Variants in GULP1 observed in about 807,000 individuals in gnomAD.
The protein encoded by GULP1 is PTB domain-containing engulfment adapter protein 1.
A neutral mutation model predicts 40.9 loss-of-function variants in GULP1; 19 were observed. That is an observed-to-expected ratio of 0.46 (90% CI 0.32 to 0.68). The LOEUF is 0.68. GULP1 is among the 30% of genes least tolerant of loss of function. The probability of loss-of-function intolerance (pLI) is 0.03; values close to 1 mark genes in which losing one functional copy is unlikely to be tolerated. For missense variants in GULP1, 312 were observed against 362.2 expected (o/e 0.86, Z 1.12); for synonymous variants, 119 against 117.6 (o/e 1.01, Z -0.08).
At chr2:188,446,854 T>TGTA (rs56370817) in intron 2 of GULP1, among the ~76,000 whole-genome samples, 139,320 of 152,042 alleles carry the variant, frequency 0.92, 63,956 homozygotes, top group East Asian at 1. Flanking sequence ...TCACTTTCAT[T>TGTA]GAGTGATATT....
At chr2:188,397,817 G>A (rs1178676052) in intron 2 of GULP1, among the ~76,000 whole-genome samples, 13 of 152,208 alleles carry the variant, frequency 8.5e-5, no homozygotes, top group Admixed American at 8.5e-4. Context: ...TATGGAAGCT[G>A]TCTTCCTCAT....
At chr2:188,590,267 C>T (rs1703265637) in intron 11 of GULP1, 1 of 152,182 alleles carries the variant, frequency 6.6e-6, no homozygotes, top group Non-Finnish European at 1.5e-5. Flanking sequence ...AGCCACCATA[C>T]TTGGCCATGA....
intron 7 of GULP1, among the ~76,000 whole-genome samples, chr2:188,542,569 G>C (rs1690810930): frequency 6.6e-6 from 1 of 151,882 alleles, no homozygotes. Flanking sequence ...AATGTGCTAA[G>C]CTACTAGATA....
intron 1 of GULP1, among the ~76,000 whole-genome samples, chr2:188,350,292 A>G (rs1210174355): frequency 6.6e-6 from 1 of 152,102 alleles, no homozygotes; most frequent in East Asian, 1.9e-4. Context: ...GTTGGAAAAT[A>G]TTGCCATTTT....
chr2:188,510,383 A>G (rs2064382188), intron 4 of GULP1, among the ~76,000 whole-genome samples: 1 of 152,112 alleles, frequency 6.6e-6, no homozygotes. Flanking sequence ...ATTAGTAACC[A>G]TATTGGCGAG....
chr2:188,572,448 G>A (rs1419867977), intron 9 of GULP1, among the ~76,000 whole-genome samples: 1 of 152,096 alleles, frequency 6.6e-6, no homozygotes, highest in African/African-American at 2.4e-5. Flanking sequence ...CTAAGAGGTT[G>A]AATTTAAAAA....
chr2:188,438,103 A>G (rs1292565231), intron 2 of GULP1, among the ~76,000 whole-genome samples: 1 of 152,140 alleles, frequency 6.6e-6, no homozygotes, highest in Admixed American at 6.6e-5. Flanking sequence ...AAATAAATAC[A>G]TAAAAAATAC....
chr2:188,346,832 G>A (rs532772069), intron 1 of GULP1, among the ~76,000 whole-genome samples: 42 of 151,724 alleles, frequency 2.8e-4, no homozygotes, highest in African/African-American at 9.9e-4. Flanking sequence ...TTAGCTGGGC[G>A]TGGTGGCAGG....
At chr2:188,529,730 A>G (rs1687082748) in intron 6 of GULP1, among the ~76,000 whole-genome samples, 1 of 152,150 alleles carries the variant, frequency 6.6e-6, no homozygotes, top group South Asian at 2.1e-4. Context: ...TCCTTGGCTT[A>G]CAGAGGGCTG....
chr2:188,445,960 T>G (rs2058348473), intron 2 of GULP1, among the ~76,000 whole-genome samples: 1 of 152,188 alleles, frequency 6.6e-6, no homozygotes, highest in African/African-American at 2.4e-5. Flanking sequence ...TAAACTCGTT[T>G]ATGATCACAG....
intron 4 of GULP1, among the ~76,000 whole-genome samples, chr2:188,493,747 A>G (rs1285356459): frequency 6.6e-6 from 1 of 152,094 alleles, no homozygotes; most frequent in Non-Finnish European, 1.5e-5. Flanking sequence ...GGCTTCAGCA[A>G]GAAAGGGAAT....
chr2:188,377,182 AAAG>A (rs2048406208), intron 1 of GULP1, among the ~76,000 whole-genome samples: 1 of 152,178 alleles, frequency 6.6e-6, no homozygotes, highest in African/African-American at 2.4e-5. Context: ...AAAAAAAAAA[AAAG>A]AAAGAATTTG....
intron 1 of GULP1, among the ~76,000 whole-genome samples, chr2:188,370,267 A>G (rs1393134927): frequency 6.6e-6 from 1 of 152,172 alleles, no homozygotes; most frequent in Admixed American, 6.5e-5. Flanking sequence ...TTTTGAGAGC[A>G]CACAGATGGC....
At chr2:188,574,063 T>C (rs1251046103) in intron 9 of GULP1, among the ~76,000 whole-genome samples, 1 of 152,164 alleles carries the variant, frequency 6.6e-6, no homozygotes, top group African/African-American at 2.4e-5. Context: ...TGTTCTAAAA[T>C]ATCTGGATAT....
At chr2:188,559,305 C>A (rs368938703) in intron 7 of GULP1, among the ~76,000 whole-genome samples, 2 of 152,156 alleles carry the variant, frequency 1.3e-5, no homozygotes, top group African/African-American at 4.8e-5. Flanking sequence ...AGAGTGCAAG[C>A]CCCAAGCCTT....
intron 9 of GULP1, 103 bp from the exon 10 acceptor site, chr2:188,584,162 A>G: frequency 1.3e-6 from 1 of 762,194 alleles, no homozygotes; most frequent in Non-Finnish European, 2.0e-6. Flanking sequence ...CTTATGATGC[A>G]ACTGAAATTG....
intron 2 of GULP1, among the ~76,000 whole-genome samples, chr2:188,400,594 A>G (rs2052090339): frequency 6.6e-6 from 1 of 152,198 alleles, no homozygotes. Flanking sequence ...AAGCAGGTGG[A>G]TGACCTAATC....
At chr2:188,479,011 A>G (rs948803392) in intron 3 of GULP1, among the ~76,000 whole-genome samples, 1 of 152,160 alleles carries the variant, frequency 6.6e-6, no homozygotes, top group African/African-American at 2.4e-5. Flanking sequence ...CTGTCTTTCA[A>G]TATTTGAAGG....
intron 6 of GULP1, among the ~76,000 whole-genome samples, chr2:188,532,266 C>A (rs1687744958): frequency 6.6e-6 from 1 of 152,084 alleles, no homozygotes; most frequent in Non-Finnish European, 1.5e-5. Flanking sequence ...AGTTGATAAT[C>A]ACGTTTAAAT....
Sources: allele counts gnomAD v4.1 joint callset (sites outside exome capture counted in the v4.1 genomes callset), GRCh38; gene constraint gnomAD v4.1.1; transcripts MANE v1.5; gene names NCBI Gene and HGNC (gene_info 2026-07-23, HGNC 2026-07-21).